The following CNTNAP2 variants were observed in gnomAD, a reference collection of about 807,000 sequenced individuals.
CNTNAP2 encodes contactin associated protein 2.
Under a neutral mutation model 155.2 loss-of-function variants are expected in CNTNAP2, and 98 were observed. That is an observed-to-expected ratio of 0.63 (90% confidence interval 0.54 to 0.75). The LOEUF is 0.75. Among genes scored for constraint, CNTNAP2 ranks in the 30% least tolerant of loss-of-function variants. The pLI, the probability that CNTNAP2 is intolerant of heterozygous loss-of-function variation, is 0.00. For synonymous variants in CNTNAP2, 651 were observed against 631.2 expected (o/e 1.03, Z -0.47); for missense variants, 1,727 against 1,688.1 (o/e 1.02, Z -0.40).
At chr7:146,423,581 T>G (rs1262434134) in intron 1 of CNTNAP2, among the ~76,000 whole-genome samples, 1 of 152,164 alleles carries the variant, frequency 6.6e-6, no homozygotes, top group Non-Finnish European at 1.5e-5. Context: ...GCCACCTGCT[T>G]TTCTGCTCCC....
intron 1 of CNTNAP2, among the ~76,000 whole-genome samples, chr7:146,649,076 T>G (rs2129163238): frequency 6.6e-6 from 1 of 152,266 alleles, no homozygotes; most frequent in Non-Finnish European, 1.5e-5. Flanking sequence ...GTGGATTTCT[T>G]AAGGAAACAT....
chr7:146,722,754 C>T (rs1176592315), intron 1 of CNTNAP2, among the ~76,000 whole-genome samples: 1 of 152,080 alleles, frequency 6.6e-6, no homozygotes, highest in African/African-American at 2.4e-5. Flanking sequence ...CAGTCGCTCA[C>T]GCCTGTAATC....
At chr7:146,916,828 C>G (rs1009022326) in intron 3 of CNTNAP2, among the ~76,000 whole-genome samples, 1 of 152,022 alleles carries the variant, frequency 6.6e-6, no homozygotes, top group Non-Finnish European at 1.5e-5. Context: ...TAGTTCTGCT[C>G]TGATCTGGAT....
At chr7:147,201,696 T>A (rs1191989395) in intron 8 of CNTNAP2, among the ~76,000 whole-genome samples, 3 of 152,120 alleles carry the variant, frequency 2.0e-5, no homozygotes, top group Non-Finnish European at 2.9e-5. Flanking sequence ...ACCCTCCTAA[T>A]GTGGATAGGA....
chr7:147,350,291 A>G (rs1795947100), intron 9 of CNTNAP2, among the ~76,000 whole-genome samples: 1 of 151,972 alleles, frequency 6.6e-6, no homozygotes, highest in Non-Finnish European at 1.5e-5. Context: ...CAAGATTTAG[A>G]AATCACCTGC....
intron 1 of CNTNAP2, among the ~76,000 whole-genome samples, chr7:146,157,115 A>T (rs1798138971): frequency 6.6e-6 from 1 of 152,206 alleles, no homozygotes; most frequent in African/African-American, 2.4e-5. Flanking sequence ...TAAAATAATC[A>T]AAAATAAAAT....
At chr7:148,201,855 A>C (rs1049709572) in intron 18 of CNTNAP2, among the ~76,000 whole-genome samples, 1 of 152,052 alleles carries the variant, frequency 6.6e-6, no homozygotes, top group Admixed American at 6.6e-5. Context: ...ATTACTTTAA[A>C]ACTTTCACAC....
At chr7:147,682,211 C>T (rs764119723) in intron 13 of CNTNAP2, among the ~76,000 whole-genome samples, 5 of 151,680 alleles carry the variant, frequency 3.3e-5, no homozygotes, top group Non-Finnish European at 4.4e-5. Flanking sequence ...AAAGGATTAC[C>T]GTGATGAATT....
At chr7:148,070,749 A>G (rs1803365709) in intron 15 of CNTNAP2, among the ~76,000 whole-genome samples, 1 of 152,184 alleles carries the variant, frequency 6.6e-6, no homozygotes. Context: ...AAATTAAATA[A>G]GAAACAGTTT....
intron 13 of CNTNAP2, among the ~76,000 whole-genome samples, chr7:147,891,110 AT>A (rs1338030726): frequency 1.4e-4 from 21 of 152,358 alleles, no homozygotes; most frequent in Admixed American, 1.2e-3. Context: ...GGATTATAGG[AT>A]ATATCCAAAG....
intron 3 of CNTNAP2, among the ~76,000 whole-genome samples, chr7:146,894,424 G>T (rs1795837130): frequency 6.6e-6 from 1 of 152,042 alleles, no homozygotes; most frequent in Non-Finnish European, 1.5e-5. Flanking sequence ...TTAAAACTCT[G>T]TGTGTTTTTT....
intron 13 of CNTNAP2, among the ~76,000 whole-genome samples, chr7:147,743,016 CT>C (rs1796978795): frequency 6.6e-6 from 1 of 152,180 alleles, no homozygotes; most frequent in African/African-American, 2.4e-5. Flanking sequence ...TCTATGCTGG[CT>C]GTCATAATTT....
chr7:147,739,539 G>T (rs534914034), intron 13 of CNTNAP2, among the ~76,000 whole-genome samples: 1 of 151,940 alleles, frequency 6.6e-6, no homozygotes, highest in Non-Finnish European at 1.5e-5. Context: ...AATTTTCAGG[G>T]TTCTTATGGA....
At chr7:146,985,875 A>T (rs143704921) in intron 3 of CNTNAP2, among the ~76,000 whole-genome samples, 1,855 of 152,226 alleles carry the variant, frequency 0.012, 119 homozygotes, top group Admixed American at 0.11. Flanking sequence ...CTGGCATTCA[A>T]TTTTTTTCCA....
At chr7:146,987,494 GATA>G (rs1446786632) in intron 3 of CNTNAP2, among the ~76,000 whole-genome samples, 1 of 152,026 alleles carries the variant, frequency 6.6e-6, no homozygotes, top group Non-Finnish European at 1.5e-5. Flanking sequence ...TGCAAATTAT[GATA>G]ATCATGTTAA....
At position 146,972,824 on chromosome 7, in the gene CNTNAP2, C is replaced by G. The variant is rs1797830024; in HGVS notation, c.403-71083C>G. 3.3e-5 allele frequency among the ~76,000 whole-genome samples: 5 copies of G among 152,224 alleles called. No homozygotes were observed. The South Asian group carries it at 1.0e-3, about 32-fold the overall frequency. On this transcript the variant is annotated intron_variant, in intron 3 of 23. Coordinates refer to ENST00000361727, the MANE Select transcript of CNTNAP2 (RefSeq NM_014141.6). ...GTTGGATTGGAATATGAGAGAAAAACTGATTTGGTTGATTTTCCTGGCTCA... is the reference window on the plus strand; with the variant it reads ...GTTGGATTGGAATATGAGAGAAAAAGTGATTTGGTTGATTTTCCTGGCTCA...
chr7:147,599,670 T>C (rs192124075), intron 12 of CNTNAP2, among the ~76,000 whole-genome samples: 1 of 152,120 alleles, frequency 6.6e-6, no homozygotes, highest in East Asian at 1.9e-4. Flanking sequence ...AATCCTTGAG[T>C]TCTTTGGCAT....
At chr7:147,068,690 G>C (rs1488250885) in intron 4 of CNTNAP2, among the ~76,000 whole-genome samples, 2 of 152,160 alleles carry the variant, frequency 1.3e-5, no homozygotes, top group African/African-American at 4.8e-5. Context: ...TTAAGTAAAG[G>C]AGGCTATCTC....
At chr7:147,315,418 G>T (rs1277332668) in intron 9 of CNTNAP2, among the ~76,000 whole-genome samples, 2 of 149,396 alleles carry the variant, frequency 1.3e-5, no homozygotes, top group Non-Finnish European at 3.0e-5. Context: ...CCAAATCGTA[G>T]GCAACCACGG....
Sources: gnomAD v4.1 joint callset for allele counts (sites outside exome capture counted in the v4.1 genomes callset) on GRCh38, gnomAD v4.1.1 for gene constraint, MANE v1.5 for transcripts, NCBI Gene and HGNC (gene_info 2026-07-23, HGNC 2026-07-21) for gene names.